USH2A: variants seen among roughly 807,000 people sequenced by gnomAD.
The protein encoded by USH2A is usherin, also known as Usher syndrome 2A (autosomal recessive, mild).
In USH2A, 443 loss-of-function variants were observed where a neutral mutation model predicts 538.9. The observed-to-expected ratio is 0.82, with a 90% CI of 0.76 to 0.89. USH2A has a LOEUF of 0.89. Among genes scored for constraint, USH2A ranks in the 40% least tolerant of loss-of-function variants. The pLI is 0.00. For missense variants in USH2A, 6,633 were observed against 6,324.8 expected (o/e 1.05, Z -1.65); for synonymous variants, 2,413 against 2,273.5 (o/e 1.06, Z -1.75).
chr1:216,292,461 G>A, intron 9 of USH2A, 91 bp from the exon 10 acceptor site: 1 of 1,328,442 alleles, frequency 7.5e-7, no homozygotes, highest in African/African-American at 1.5e-5. Context: ...CAGAAGTAAA[G>A]CACATATCAG....
Position 215,680,357 on chromosome 1 carries a change from T to A in USH2A, c.12086A>T (p.His4029Leu), listed in dbSNP as rs1360738733. ...TGTGAATGGTTCTAACCCGTACAGG[T>A]GGGCTTGATGGCTTGTTCCCTGTAA... ...FTVKGTSHQAHLYGLEPFTTY... is the reference protein window; with the variant it reads ...FTVKGTSHQALLYGLEPFTTY... The change falls in exon 62 of 72, where the codon CAC (histidine) becomes CTC (leucine). Residue 4029 changes from histidine (H) to leucine (L), a missense_variant. By Grantham distance (99) the His-to-Leu change is moderately conservative (BLOSUM62 -3). Coordinates refer to ENST00000307340, the MANE Select transcript of USH2A (RefSeq NM_206933.4). 6.2e-7 allele frequency: 1 copy of A among 1,613,826 alleles called. No homozygotes were observed. The highest frequency in any genetic ancestry group is 8.5e-7 in the Non-Finnish European group (1 of 1,179,946).
intron 50 of USH2A, among the ~76,000 whole-genome samples, chr1:215,798,065 A>C (rs1056187564): frequency 6.6e-6 from 1 of 152,160 alleles, no homozygotes; most frequent in African/African-American, 2.4e-5. Flanking sequence ...AAGGGGTTTT[A>C]GACTCAAAAT....
chr1:216,050,612 T>TTTC (rs2030741934), intron 30 of USH2A, among the ~76,000 whole-genome samples: 1 of 25,468 alleles, frequency 3.9e-5, no homozygotes, highest in Admixed American at 4.3e-4. Flanking sequence ...TTCTTTTTTT[T>TTTC]TTTTTTTTTT....
intron 44 of USH2A, among the ~76,000 whole-genome samples, chr1:215,858,518 C>T (rs1174220566): frequency 6.8e-6 from 1 of 147,004 alleles, no homozygotes; most frequent in African/African-American, 2.6e-5. Flanking sequence ...CGTCTCTTCA[C>T]CTTCTGCCAT....
intron 60 of USH2A, among the ~76,000 whole-genome samples, chr1:215,733,835 A>G (rs555755177): frequency 3.9e-4 from 59 of 152,330 alleles, no homozygotes; most frequent in African/African-American, 1.4e-3. Flanking sequence ...GGGTAGCTTC[A>G]ACCCTGTGGT....
At chr1:216,382,833 C>T (rs546690381) in intron 3 of USH2A, among the ~76,000 whole-genome samples, 5 of 152,210 alleles carry the variant, frequency 3.3e-5, no homozygotes, top group African/African-American at 1.2e-4. Context: ...GTACATACAA[C>T]TTCTTATGTA....
At chr1:216,323,828 A>G in intron 7 of USH2A, 133 bp from the exon 8 acceptor site, 1 of 812,244 alleles carries the variant, frequency 1.2e-6, no homozygotes, top group South Asian at 1.6e-5. Flanking sequence ...AGCATATTCC[A>G]TATATTTCAT....
At chr1:216,098,100 G>A (rs1021877474) in intron 21 of USH2A, among the ~76,000 whole-genome samples, 2 of 150,616 alleles carry the variant, frequency 1.3e-5, no homozygotes, top group Admixed American at 1.3e-4. Context: ...TATGAATGAT[G>A]CCTTCCCCCT....
intron 11 of USH2A, among the ~76,000 whole-genome samples, chr1:216,268,841 T>C (rs1459578298): frequency 6.6e-6 from 1 of 152,128 alleles, no homozygotes; most frequent in Admixed American, 6.6e-5. Flanking sequence ...CAATTAAAAG[T>C]CTCTTGGCTA....
intron 44 of USH2A, among the ~76,000 whole-genome samples, chr1:215,863,510 A>T (rs576121556): frequency 6.6e-6 from 1 of 152,330 alleles, no homozygotes; most frequent in African/African-American, 2.4e-5. Context: ...AGGATGAGAC[A>T]AATGCTTTTT....
intron 13 of USH2A, among the ~76,000 whole-genome samples, chr1:216,240,594 TA>T (rs770833428): frequency 3.3e-5 from 5 of 152,082 alleles, no homozygotes; most frequent in Non-Finnish European, 7.4e-5. Context: ...TACAACCATT[TA>T]AATTTTTTTA....
chr1:215,751,329 A>G (rs993780297), intron 58 of USH2A, among the ~76,000 whole-genome samples: 6 of 152,160 alleles, frequency 3.9e-5, no homozygotes, highest in Non-Finnish European at 5.9e-5. Context: ...ATGGAGTAAG[A>G]TATTAATGTT....
chr1:216,293,303 C>T (rs140603813), intron 9 of USH2A, among the ~76,000 whole-genome samples: 247 of 152,280 alleles, frequency 1.6e-3, no homozygotes, highest in African/African-American at 5.8e-3. Context: ...GGATTACAGG[C>T]GTGAGCCACC....
chr1:215,900,378 T>A (rs918319098), intron 39 of USH2A, among the ~76,000 whole-genome samples, 161 bp from the exon 40 acceptor site: 1 of 152,216 alleles, frequency 6.6e-6, no homozygotes, highest in Non-Finnish European at 1.5e-5. Flanking sequence ...AAGTAGCCAT[T>A]GGCTGAGTCT....
intron 3 of USH2A, among the ~76,000 whole-genome samples, chr1:216,375,878 ATTG>A (rs369414956): frequency 3.3e-3 from 496 of 152,224 alleles, no homozygotes; most frequent in Middle Eastern, 6.8e-3. Flanking sequence ...TAATTTCAAT[ATTG>A]TTGTGTCTCA....
intron 21 of USH2A, among the ~76,000 whole-genome samples, chr1:216,151,259 C>A (rs2033825816): frequency 6.6e-6 from 1 of 152,086 alleles, no homozygotes; most frequent in Non-Finnish European, 1.5e-5. Context: ...AGCACTCCTT[C>A]TCACCTTTTT....
At chr1:216,268,888 A>G (rs2036525181) in intron 11 of USH2A, among the ~76,000 whole-genome samples, 1 of 151,974 alleles carries the variant, frequency 6.6e-6, no homozygotes, top group Non-Finnish European at 1.5e-5. Context: ...TTAATATGGT[A>G]CTCTCAAGGC....
chr1:215,624,563 T>A lies in USH2A; in HGVS notation c.*1218A>T, dbSNP rs1396008853. The A allele has an allele frequency of 6.6e-6, 1 of 152,198 alleles. No homozygotes were observed. Among genetic ancestry groups the A allele is most frequent in the East Asian group, 1.9e-4 (1 of 5,194 alleles). The allele number at this position is 152,198 out of a possible 1,614,324, so 9.4% of individuals were successfully genotyped here. A position where few individuals can be genotyped will look rare whatever the true frequency, so the allele number is the denominator to read the frequency against. ...CTCTGTTTTCCATGAAGAACAAATT[T>A]AAATATCTGATTTTATGTGGATGAT... On this transcript the variant is annotated 3_prime_UTR_variant, in exon 72 of 72. Transcript: ENST00000307340.
intron 9 of USH2A, among the ~76,000 whole-genome samples, chr1:216,295,102 A>G (rs1161964596): frequency 1.3e-5 from 2 of 151,878 alleles, no homozygotes; most frequent in African/African-American, 4.8e-5. Context: ...GAAAATGTCT[A>G]TAATGTTGCA....
Sources: allele counts gnomAD v4.1 joint callset (sites outside exome capture counted in the v4.1 genomes callset), GRCh38; gene constraint gnomAD v4.1.1; transcripts MANE v1.5; gene names NCBI Gene and HGNC (gene_info 2026-07-23, HGNC 2026-07-21).